DNAJC6: variants seen among roughly 807,000 people sequenced by gnomAD.
DNAJC6 encodes auxilin.
A neutral mutation model predicts 110.0 loss-of-function variants in DNAJC6; 34 were observed. That is an observed-to-expected ratio of 0.31 (90% confidence interval 0.24 to 0.41). The LOEUF is 0.41. Among genes scored for constraint, DNAJC6 ranks in the 10% least tolerant of loss-of-function variants. The probability of loss-of-function intolerance (pLI) is 1.00; values close to 1 mark genes in which losing one functional copy is unlikely to be tolerated. For missense variants in DNAJC6, 1,031 were observed against 1,207.8 expected (o/e 0.85, Z 2.17); for synonymous variants, 406 against 437.2 (o/e 0.93, Z 0.89).
chr1:65,366,547 C>T (rs183092619), intron 4 of DNAJC6, among the ~76,000 whole-genome samples: 6 of 152,268 alleles, frequency 3.9e-5, no homozygotes, highest in East Asian at 3.9e-4. Context: ...CTAATTATGC[C>T]GTTGACCCTT....
At chr1:65,295,616 A>G (rs1251051073) in intron 1 of DNAJC6, among the ~76,000 whole-genome samples, 1 of 152,232 alleles carries the variant, frequency 6.6e-6, no homozygotes, top group Non-Finnish European at 1.5e-5. Flanking sequence ...TCAGTAGGGT[A>G]GTACCTCAAT....
chr1:65,398,138 T>G (rs1399856869), intron 13 of DNAJC6, among the ~76,000 whole-genome samples: 1 of 152,172 alleles, frequency 6.6e-6, no homozygotes, highest in Non-Finnish European at 1.5e-5. Context: ...AGCCAAATAT[T>G]TCTTTTAAAT....
intron 15 of DNAJC6, among the ~76,000 whole-genome samples, chr1:65,405,379 G>T (rs913199): frequency 0.59 from 90,188 of 152,138 alleles, 29,177 homozygotes; most frequent in African/African-American, 0.86. Context: ...AAAAAATGAT[G>T]AATCCTAATA....
chr1:65,310,647 T>G (rs1022171970), intron 1 of DNAJC6, among the ~76,000 whole-genome samples: 1 of 152,188 alleles, frequency 6.6e-6, no homozygotes, highest in African/African-American at 2.4e-5. Context: ...CTCTAAACTT[T>G]GTATCGGGGC....
chr1:65,303,789 G>A (rs186859684), intron 1 of DNAJC6, among the ~76,000 whole-genome samples: 1 of 152,022 alleles, frequency 6.6e-6, no homozygotes, highest in African/African-American at 2.4e-5. Flanking sequence ...TGGCCAGGCT[G>A]GTCTCGAACT....
rs139168722 is a variant in DNAJC6 at position 65,348,332 on chromosome 1, G to A, written c.194-16303G>A. Among the ~76,000 whole-genome samples the A allele has an allele frequency of 4.2e-3, 643 of 152,290 alleles. 4 individuals carry two copies. The highest frequency in any genetic ancestry group is 0.015 in the African/African-American group (621 of 41,564). On this transcript the variant is annotated intron_variant, in intron 1 of 18. Transcript: ENST00000371069. ...TTCTATAAATGTCAATTAGGGCAAT[G>A]TAGTATTGTTGTTCAAATGTTTTCT...
chr1:65,274,534 C>G (rs1271654646), intron 1 of DNAJC6, among the ~76,000 whole-genome samples: 6 of 152,180 alleles, frequency 3.9e-5, no homozygotes, highest in Non-Finnish European at 5.9e-5. Flanking sequence ...CCAGGCTGGT[C>G]TCGAACTCCT....
chr1:65,365,144 G>A (rs72917339), intron 2 of DNAJC6, among the ~76,000 whole-genome samples: 2,547 of 152,182 alleles, frequency 0.017, 81 homozygotes, highest in African/African-American at 0.058. Flanking sequence ...GTGTCTTTGG[G>A]TTGTTTAGGG....
In DNAJC6 at chr1:65,366,124, C is replaced by T. The variant is rs765473725; in HGVS notation, c.471C>T (p.Ser157=). The change falls in exon 4 of 19, where the codon TCC becomes TCT. Residue 157 remains serine, a synonymous_variant. Transcript: ENST00000371069. ...QVDDIRSFLD[S]RHLDHYTVYN... ...ATGACATTCGAAGCTTTTTGGATTCCAGACATCTTGACCACTACACAGTAT... is the reference window on the plus strand; with the variant it reads ...ATGACATTCGAAGCTTTTTGGATTCTAGACATCTTGACCACTACACAGTAT... The T allele has an allele frequency of 9.9e-6, 16 of 1,613,804 alleles. No homozygotes were observed. The highest frequency in any genetic ancestry group is 1.3e-5 in the Non-Finnish European group (15 of 1,179,828).
chr1:65,385,668 C>T (rs1160425422), intron 6 of DNAJC6, 44 bp from the exon 7 acceptor site: 20 of 1,424,210 alleles, frequency 1.4e-5, no homozygotes, highest in South Asian at 1.8e-5. Context: ...GCTTGCTTCT[C>T]CTGATGTGAT....
At chr1:65,268,123 G>A (rs1365513600) in intron 1 of DNAJC6, among the ~76,000 whole-genome samples, 2 of 152,204 alleles carry the variant, frequency 1.3e-5, no homozygotes, top group Admixed American at 1.3e-4. Context: ...ATAAGAGGTT[G>A]ATGGGGCAAA....
At chr1:65,350,582 T>C (rs1645481221) in intron 1 of DNAJC6, among the ~76,000 whole-genome samples, 1 of 152,204 alleles carries the variant, frequency 6.6e-6, no homozygotes, top group Non-Finnish European at 1.5e-5. Context: ...ACCATTTTCT[T>C]TGAAAACATG....
intron 1 of DNAJC6, among the ~76,000 whole-genome samples, chr1:65,316,236 C>T (rs984594637): frequency 1.3e-5 from 2 of 152,186 alleles, no homozygotes. Flanking sequence ...GGTAGATCCC[C>T]TCCCCAGCCT....
intron 15 of DNAJC6, among the ~76,000 whole-genome samples, chr1:65,403,784 G>A (rs1420104263): frequency 6.6e-6 from 1 of 152,146 alleles, no homozygotes; most frequent in African/African-American, 2.4e-5. Flanking sequence ...GCTGAGCATG[G>A]GGAGAAAATA....
At chr1:65,351,118 A>G (rs1645486849) in intron 1 of DNAJC6, among the ~76,000 whole-genome samples, 1 of 152,098 alleles carries the variant, frequency 6.6e-6, no homozygotes, top group South Asian at 2.1e-4. Flanking sequence ...CCCTGCCTTC[A>G]CAGCTCAGGG....
At chr1:65,370,623 C>T (rs1003650208) in intron 4 of DNAJC6, among the ~76,000 whole-genome samples, 43 of 152,334 alleles carry the variant, frequency 2.8e-4, no homozygotes, top group African/African-American at 9.9e-4. Context: ...CCTTCTTCCA[C>T]TGTTTACCCA....
intron 5 of DNAJC6, among the ~76,000 whole-genome samples, chr1:65,382,391 G>A (rs912489868): frequency 6.6e-6 from 1 of 152,118 alleles, no homozygotes; most frequent in African/African-American, 2.4e-5. Context: ...CTGGGAGAAG[G>A]CTTTATTTAG....
At chr1:65,395,117 G>T in intron 13 of DNAJC6, 85 bp downstream of exon 13, 1 of 1,377,286 alleles carries the variant, frequency 7.3e-7, no homozygotes, top group Admixed American at 2.8e-5. Context: ...AGCACCCTGT[G>T]GGTGCTTTTT....
At chr1:65,386,273 A>C (rs1645871398) in intron 7 of DNAJC6, among the ~76,000 whole-genome samples, 1 of 152,202 alleles carries the variant, frequency 6.6e-6, no homozygotes, top group Admixed American at 6.5e-5. Flanking sequence ...GTAGACGGTG[A>C]TGTAATTAAA....
Sources: allele counts gnomAD v4.1 joint callset (sites outside exome capture counted in the v4.1 genomes callset), GRCh38; gene constraint gnomAD v4.1.1; transcripts MANE v1.5; gene names NCBI Gene and HGNC (gene_info 2026-07-23, HGNC 2026-07-21).